The following DLGAP2 variants were observed in gnomAD, a reference collection of about 807,000 sequenced individuals.
DLGAP2 encodes the protein DLG associated protein 2.
DLGAP2 carries 26 observed loss-of-function variants against 100.3 expected under a neutral mutation model. That is an observed-to-expected ratio of 0.26 (90% CI 0.19 to 0.36). DLGAP2 has a LOEUF of 0.36. Ranked by LOEUF, DLGAP2 falls within the 10% of genes least tolerant of loss-of-function variation. The probability of loss-of-function intolerance (pLI) is 1.00; values close to 1 mark genes in which losing one functional copy is unlikely to be tolerated. For synonymous variants in DLGAP2, 886 were observed against 630.1 expected (o/e 1.41, Z -6.08); for missense variants, 1,858 against 1,453.2 (o/e 1.28, Z -4.53).
chr8:824,862 C>T (rs914893685), intron 1 of DLGAP2, among the ~76,000 whole-genome samples: 3 of 152,166 alleles, frequency 2.0e-5, no homozygotes, highest in Non-Finnish European at 2.9e-5. Flanking sequence ...AGCCGCAATT[C>T]ACTGGAGCAC....
chr8:971,334 C>G (rs1043132818), intron 2 of DLGAP2, among the ~76,000 whole-genome samples: 1 of 152,170 alleles, frequency 6.6e-6, no homozygotes, highest in South Asian at 2.1e-4. Context: ...CACTGTTATC[C>G]TCCTCACAAG....
At chr8:953,632 A>G (rs942970293) in intron 2 of DLGAP2, among the ~76,000 whole-genome samples, 4 of 152,200 alleles carry the variant, frequency 2.6e-5, no homozygotes, top group Non-Finnish European at 1.5e-5. Flanking sequence ...CCAAATCCCA[A>G]TGACTGTGGT....
intron 5 of DLGAP2, among the ~76,000 whole-genome samples, chr8:1,554,397 G>C (rs1433458297): frequency 2.6e-5 from 4 of 152,226 alleles, no homozygotes; most frequent in Non-Finnish European, 5.9e-5. Context: ...TGGAACCTGA[G>C]TCTCATCAGA....
rs545545112 is a variant in DLGAP2, at chr8:843,582, C to T, written c.19-64330C>T. Among the ~76,000 whole-genome samples the T allele has an allele frequency of 2.2e-3, 335 of 152,328 alleles. 1 individual carries two copies. The highest frequency in any genetic ancestry group is 7.7e-3 in the African/African-American group (322 of 41,576). ...CCTCTGTCCTTGGACACGGACGCCA[C>T]GTAGATCCTGGGGCACTTCCCCGTA... On this transcript the variant is annotated intron_variant, in intron 1 of 14. Coordinates refer to ENST00000637795, the MANE Select transcript of DLGAP2 (RefSeq NM_001346810.2).
At chr8:1,562,605 C>G (rs187632290) in intron 5 of DLGAP2, among the ~76,000 whole-genome samples, 1 of 46,804 alleles carries the variant, frequency 2.1e-5, no homozygotes, top group Non-Finnish European at 3.8e-5. Flanking sequence ...GTCCGCGCCT[C>G]GTTGCTCGGG....
At chr8:1,376,704 ACCGAGACC>A (rs1563114553) in intron 3 of DLGAP2, among the ~76,000 whole-genome samples, 30 of 65,994 alleles carry the variant, frequency 4.5e-4, no homozygotes, top group South Asian at 3.5e-3. Flanking sequence ...GGACAGGGCT[ACCGAGACC>A]CTCAACCTGA....
chr8:870,616 T>C (rs1021165110), intron 1 of DLGAP2, among the ~76,000 whole-genome samples: 5 of 152,112 alleles, frequency 3.3e-5, no homozygotes, highest in Non-Finnish European at 5.9e-5. Context: ...CACAGCCTCA[T>C]TCTTTTGGTT....
chr8:981,385 C>T (rs563307232), intron 2 of DLGAP2, among the ~76,000 whole-genome samples: 5 of 152,180 alleles, frequency 3.3e-5, no homozygotes, highest in African/African-American at 7.2e-5. Flanking sequence ...AAGGCAACAA[C>T]GACACTGGTG....
intron 2 of DLGAP2, among the ~76,000 whole-genome samples, chr8:1,163,098 G>C (rs1022091204): frequency 6.6e-6 from 1 of 152,178 alleles, no homozygotes; most frequent in African/African-American, 2.4e-5. Flanking sequence ...GGGCTGCGGC[G>C]TGTTGGGGTG....
At chr8:1,147,076 T>C (rs1796621616) in intron 2 of DLGAP2, among the ~76,000 whole-genome samples, 2 of 152,226 alleles carry the variant, frequency 1.3e-5, no homozygotes, top group South Asian at 2.1e-4. Flanking sequence ...AATTAAAATT[T>C]GGACATTTGG....
chr8:1,414,972 G>C (rs183668611), intron 3 of DLGAP2, among the ~76,000 whole-genome samples: 10 of 152,032 alleles, frequency 6.6e-5, no homozygotes, highest in Non-Finnish European at 7.4e-5. Flanking sequence ...TCATGCCCCT[G>C]CACTCGAGCC....
chr8:787,827 T>G (rs961804444), intron 1 of DLGAP2, among the ~76,000 whole-genome samples: 3 of 152,198 alleles, frequency 2.0e-5, no homozygotes, highest in Non-Finnish European at 2.9e-5. Context: ...GGCCTGGGTT[T>G]GGGCTCGCTC....
At chr8:869,828 C>T (rs921325687) in intron 1 of DLGAP2, among the ~76,000 whole-genome samples, 2 of 152,044 alleles carry the variant, frequency 1.3e-5, no homozygotes, top group Admixed American at 1.3e-4. Context: ...GATGGGCACC[C>T]CGGCAGCGGG....
At chr8:1,242,079 T>A (rs965841709) in intron 2 of DLGAP2, among the ~76,000 whole-genome samples, 1 of 152,162 alleles carries the variant, frequency 6.6e-6, no homozygotes, top group Non-Finnish European at 1.5e-5. Context: ...CGGGATTTAA[T>A]TTGTTTGTAG....
At position 1,541,173 on chromosome 8, in the gene DLGAP2, C is replaced by G. The variant is rs1386361044; in HGVS notation, c.173-7453C>G. 2.0e-5 allele frequency among the ~76,000 whole-genome samples: 3 copies of G among 152,216 alleles called. No individual in the cohort carries two copies. In the East Asian group the frequency reaches 5.8e-4, roughly 29 times the overall value. On this transcript the variant is annotated intron_variant, in intron 4 of 14. Coordinates refer to ENST00000637795, the MANE Select transcript of DLGAP2 (RefSeq NM_001346810.2). ...CCTAGGGGAGAGCTTCACCCAAATT[C>G]TTACCTCCACTGAGCCCCTAATGCA...
In DLGAP2 at chr8:1,707,760, A is replaced by C. The variant is rs1799745915; in HGVS notation, c.*6354A>C. On this transcript the variant is annotated 3_prime_UTR_variant, in exon 15 of 15. Coordinates refer to ENST00000637795, the MANE Select transcript of DLGAP2 (RefSeq NM_001346810.2). ...TTAGAACCAGGAAACTAGCTGTTTA[A>C]AGTTTTAAAGAAGTATATAAATATA... 1 of 152,306 alleles carries C rather than the reference A, an allele frequency of 6.6e-6. No homozygotes were observed. 9.4% of individuals were successfully genotyped at this position (152,306 alleles called of 1,614,324 possible). A position where few individuals can be genotyped will look rare whatever the true frequency, so the allele number is the denominator to read the frequency against.
Position 913,818 on chromosome 8 carries a change from C to G in DLGAP2, c.73+5852C>G, listed in dbSNP as rs553123448. Among the ~76,000 whole-genome samples the G allele has an allele frequency of 2.0e-5, 3 of 152,362 alleles. No individual in the cohort carries two copies. In the East Asian group the frequency reaches 5.8e-4, roughly 29 times the overall value. ...TAAGTCCTGAATTATCCACATGTGA[C>G]TTTCCGGTCTCATATGAGGCAGAAC... On this transcript the variant is annotated intron_variant, in intron 2 of 14. Coordinates refer to ENST00000637795, the MANE Select transcript of DLGAP2 (RefSeq NM_001346810.2).
chr8:780,091 CTAAGCCT>C (rs2132622263), intron 1 of DLGAP2, among the ~76,000 whole-genome samples: 1 of 152,302 alleles, frequency 6.6e-6, no homozygotes, highest in South Asian at 2.1e-4. Context: ...GCAGTGATCA[CTAAGCCT>C]TAGTCTAAAC....
At chr8:1,021,123 A>T (rs1333303400) in intron 2 of DLGAP2, among the ~76,000 whole-genome samples, 1 of 152,222 alleles carries the variant, frequency 6.6e-6, no homozygotes, top group African/African-American at 2.4e-5. Flanking sequence ...CCTACAGATA[A>T]TTAATATCAA....
Sources: allele counts gnomAD v4.1 joint callset (sites outside exome capture counted in the v4.1 genomes callset), GRCh38; gene constraint gnomAD v4.1.1; transcripts MANE v1.5; gene names NCBI Gene and HGNC (gene_info 2026-07-23, HGNC 2026-07-21).